ITPRID1: variants seen among roughly 807,000 people sequenced by gnomAD.
ITPRID1 encodes protein ITPRID1.
ITPRID1 carries 96 observed loss-of-function variants against 95.4 expected under a neutral mutation model. The observed-to-expected ratio is 1.01, with a 90% CI of 0.85 to 1.19. The LOEUF (loss-of-function observed/expected upper bound fraction) is 1.19, where lower values mean the gene tolerates loss of function less well. Ranked by LOEUF, ITPRID1 falls within the 50% of genes most tolerant of loss-of-function variation. The pLI, the probability that ITPRID1 is intolerant of heterozygous loss-of-function variation, is 0.00. For missense variants in ITPRID1, 1,339 were observed against 1,252.9 expected (o/e 1.07, Z -1.04); for synonymous variants, 510 against 453.6 (o/e 1.12, Z -1.58).
chr7:31,554,447 T>C, intron 3 of ITPRID1, 28 bp from the exon 4 acceptor site: 1 of 1,608,684 alleles, frequency 6.2e-7, no homozygotes, highest in Non-Finnish European at 8.5e-7. Context: ...GTGCTTTGAC[T>C]AACTGATCTG....
At position 31,642,985 on chromosome 7, in the gene ITPRID1, C is replaced by G. The variant is rs778424900; in HGVS notation, c.1615C>G (p.His539Asp). 13 of 1,613,922 alleles carry G rather than the reference C, an allele frequency of 8.1e-6. No homozygotes were observed. Among genetic ancestry groups the G allele is most frequent in the Non-Finnish European group, 1.0e-5 (12 of 1,179,890 alleles). Residue 539 changes from histidine to aspartate, a missense_variant, in exon 12 of 15, where the codon CAT becomes GAT. By Grantham distance (81) the His-to-Asp change is moderately conservative. Coordinates refer to ENST00000615280, the MANE Select transcript of ITPRID1 (RefSeq NM_001257967.3). The part of the protein sequence containing the change: ...TRGECPRKDS[H>D]LWQLLPMPHA... ...GGGAGAATGCCCAAGGAAAGACAGC[C>G]ATCTGTGGCAGCTTCTGCCAATGCC...
intron 10 of ITPRID1, among the ~76,000 whole-genome samples, chr7:31,595,118 C>A (rs751696064): frequency 4.7e-4 from 68 of 143,648 alleles, no homozygotes; most frequent in Non-Finnish European, 8.6e-4. Flanking sequence ...GTCACCCAGG[C>A]TGGAGTGCAA....
intron 10 of ITPRID1, among the ~76,000 whole-genome samples, chr7:31,587,620 A>G (rs2128152278): frequency 6.6e-6 from 1 of 151,310 alleles, no homozygotes; most frequent in Middle Eastern, 3.4e-3. Flanking sequence ...GCCTTTCTTC[A>G]CAGAATTGGA....
At chr7:31,546,422 C>T (rs906632039) in intron 1 of ITPRID1, among the ~76,000 whole-genome samples, 15 of 151,502 alleles carry the variant, frequency 9.9e-5, no homozygotes, top group African/African-American at 4.9e-5. Context: ...TGTGTGCGTG[C>T]GCATATAACT....
chr7:31,525,569 T>G lies in ITPRID1; in HGVS notation c.-98+11449T>G, dbSNP rs57906521. On this transcript the variant is annotated intron_variant, in intron 1 of 14. Coordinates refer to ENST00000615280, the MANE Select transcript of ITPRID1 (RefSeq NM_001257967.3). ...GAAAAGATGGGGAACTCCTACACAG[T>G]AGAGGCAGCATTTGATTTGGATCTT... is the stretch of plus-strand genomic sequence containing the variant. Among the ~76,000 whole-genome samples, 790 of 152,292 alleles carry G rather than the reference T, an allele frequency of 5.2e-3. 9 individuals are homozygous for G. The highest frequency in any genetic ancestry group is 0.017 in the African/African-American group (715 of 41,572).
chr7:31,580,134 C>T (rs947265190), intron 9 of ITPRID1, among the ~76,000 whole-genome samples: 12 of 151,596 alleles, frequency 7.9e-5, no homozygotes, highest in Non-Finnish European at 1.5e-4. Flanking sequence ...CCTGTCTCTA[C>T]CAAAAATACA....
chr7:31,606,660 T>A (rs1786640084), intron 10 of ITPRID1, among the ~76,000 whole-genome samples: 1 of 152,218 alleles, frequency 6.6e-6, no homozygotes. Context: ...TTAGACTATT[T>A]CTTTCAAATA....
chr7:31,646,426 G>A (rs1001923318), intron 12 of ITPRID1, among the ~76,000 whole-genome samples: 10 of 152,248 alleles, frequency 6.6e-5, no homozygotes, highest in Non-Finnish European at 1.0e-4. Flanking sequence ...CAGCTTCTCC[G>A]AGGAAGGTAG....
At chr7:31,599,657 TTCCTTTCTC>T (rs1786289145) in intron 10 of ITPRID1, among the ~76,000 whole-genome samples, 1 of 11,026 alleles carries the variant, frequency 9.1e-5, no homozygotes, top group African/African-American at 2.5e-4. Flanking sequence ...TTTTCTTTCT[TTCCTTTCTC>T]TCTCTCTCTC....
At chr7:31,599,262 G>C (rs1435544111) in intron 10 of ITPRID1, among the ~76,000 whole-genome samples, 1 of 152,100 alleles carries the variant, frequency 6.6e-6, no homozygotes, top group African/African-American at 2.4e-5. Context: ...TATCCACATA[G>C]ATAAATATTA....
At chr7:31,537,858 T>TC (rs1243530461) in intron 1 of ITPRID1, among the ~76,000 whole-genome samples, 1 of 152,146 alleles carries the variant, frequency 6.6e-6, no homozygotes, top group Non-Finnish European at 1.5e-5. Context: ...TGATTTCTTC[T>TC]CCCCCCAAAA....
At chr7:31,547,287 ACTG>A (rs1784129962) in intron 1 of ITPRID1, among the ~76,000 whole-genome samples, 1 of 152,224 alleles carries the variant, frequency 6.6e-6, no homozygotes, top group South Asian at 2.1e-4. Context: ...GAGTTCTCAC[ACTG>A]CTATGAAGAA....
chr7:31,606,639 T>A (rs1786638556), intron 10 of ITPRID1, among the ~76,000 whole-genome samples: 1 of 152,158 alleles, frequency 6.6e-6, no homozygotes, highest in Non-Finnish European at 1.5e-5. Flanking sequence ...TTTAAAAAAT[T>A]CTTATGTCCA....
chr7:31,650,325 C>A lies in ITPRID1; in HGVS notation c.2584-817C>A, dbSNP rs77481532. ...TATTGGGGGATGGGGAGGTTAAGGTCATCCCAGGGACACAGCCTTGTGCTG... is the reference window on the plus strand; with the variant it reads ...TATTGGGGGATGGGGAGGTTAAGGTAATCCCAGGGACACAGCCTTGTGCTG... On this transcript the variant is annotated intron_variant, in intron 12 of 14. Transcript: ENST00000615280. Among the ~76,000 whole-genome samples the A allele has an allele frequency of 2.7e-4, 41 of 152,288 alleles. No homozygotes were observed. The East Asian group carries it at 7.7e-3, about 29-fold the overall frequency.
intron 10 of ITPRID1, among the ~76,000 whole-genome samples, chr7:31,586,863 T>C (rs1264100704): frequency 6.6e-6 from 1 of 151,774 alleles, no homozygotes; most frequent in African/African-American, 2.4e-5. Flanking sequence ...CATTTGTCAA[T>C]TTTGTCTTTT....
At chr7:31,596,014 G>C (rs528997479) in intron 10 of ITPRID1, among the ~76,000 whole-genome samples, 94 of 151,684 alleles carry the variant, frequency 6.2e-4, no homozygotes, top group Non-Finnish European at 1.0e-3. Flanking sequence ...TACTATTGAT[G>C]CCACTTAAGG....
intron 7 of ITPRID1, 116 bp from the exon 8 acceptor site, chr7:31,574,424 C>T: frequency 1.1e-6 from 1 of 899,944 alleles, no homozygotes. Flanking sequence ...CACCGTTTGT[C>T]TATTTAGGAT....
At chr7:31,528,984 G>C (rs1031579936) in intron 1 of ITPRID1, among the ~76,000 whole-genome samples, 1 of 152,180 alleles carries the variant, frequency 6.6e-6, no homozygotes, top group Admixed American at 6.5e-5. Flanking sequence ...CATGGCAAAT[G>C]TAACAGTGGA....
intron 2 of ITPRID1, 75 bp downstream of exon 2, chr7:31,549,574 G>C (rs1251833969): frequency 4.8e-6 from 5 of 1,046,918 alleles, no homozygotes; most frequent in Non-Finnish European, 6.8e-6. Flanking sequence ...ACTCATTATA[G>C]ATATGAGGAA....
Sources: gnomAD v4.1 joint callset for allele counts (sites outside exome capture counted in the v4.1 genomes callset) on GRCh38, gnomAD v4.1.1 for gene constraint, MANE v1.5 for transcripts, NCBI Gene and HGNC (gene_info 2026-07-23, HGNC 2026-07-21) for gene names.